DOCK3: variants seen among roughly 807,000 people sequenced by gnomAD.
The protein encoded by DOCK3 is dedicator of cytokinesis protein 3.
A neutral mutation model predicts 265.6 loss-of-function variants in DOCK3; 60 were observed. The ratio of observed to expected loss-of-function variants is 0.23; its 90% CI spans 0.18 to 0.28. DOCK3 has a LOEUF of 0.28. Ranked by LOEUF, DOCK3 falls within the 10% of genes least tolerant of loss-of-function variation. DOCK3 has a pLI of 1.00. For missense variants in DOCK3, 1,981 were observed against 2,594.3 expected (o/e 0.76, Z 5.14); for synonymous variants, 881 against 938.0 (o/e 0.94, Z 1.11).
intron 5 of DOCK3, among the ~76,000 whole-genome samples, chr3:51,002,175 C>A (rs2078506260): frequency 6.6e-6 from 1 of 152,102 alleles, no homozygotes; most frequent in Admixed American, 6.5e-5. Context: ...TTTCAAACTC[C>A]TGGCCTCAAG....
At chr3:51,203,277 T>C (rs1398239761) in intron 12 of DOCK3, among the ~76,000 whole-genome samples, 1 of 152,084 alleles carries the variant, frequency 6.6e-6, no homozygotes, top group Non-Finnish European at 1.5e-5. Context: ...CCCCATTGTC[T>C]CAGCCCAAAA....
chr3:50,770,987 T>C (rs954288698), intron 1 of DOCK3, among the ~76,000 whole-genome samples: 1 of 152,202 alleles, frequency 6.6e-6, no homozygotes, highest in African/African-American at 2.4e-5. Context: ...CCTCAAACTA[T>C]GAAGCTACTA....
rs368891644 is a variant in DOCK3 at position 51,208,881 on chromosome 3, T to G, written c.1126+19T>G. ...AGCCATGGTGAGATACTTCTCTGAC[T>G]AGAACATTTTGTGTTACATTTGTAG... On this transcript the variant is annotated intron_variant, in intron 13 of 52. Coordinates refer to ENST00000266037, the MANE Select transcript of DOCK3 (RefSeq NM_004947.5). 118 of 1,597,366 alleles carry G rather than the reference T, an allele frequency of 7.4e-5. No homozygotes were observed. In the African/African-American group the frequency reaches 1.1e-3, roughly 15 times the overall value.
chr3:51,112,552 A>G (rs2083565556), intron 9 of DOCK3, among the ~76,000 whole-genome samples: 1 of 152,204 alleles, frequency 6.6e-6, no homozygotes, highest in Admixed American at 6.5e-5. Flanking sequence ...TGTAAACTGT[A>G]CTTTGGTACA....
intron 5 of DOCK3, among the ~76,000 whole-genome samples, chr3:51,012,948 A>T (rs1008307305): frequency 1.3e-5 from 2 of 152,026 alleles, no homozygotes; most frequent in African/African-American, 4.8e-5. Context: ...TCAGCTACTG[A>T]AGCTTGTGTG....
chr3:50,782,576 AGTGTGTGTGTGTGT>A (rs145578993), intron 2 of DOCK3, among the ~76,000 whole-genome samples: 10 of 147,212 alleles, frequency 6.8e-5, no homozygotes, highest in Non-Finnish European at 1.2e-4. Context: ...TTATTTTTTG[AGTGTGTGTGTGTGT>A]GTGTGTGTGT....
chr3:51,175,002 C>A (rs1478743122), intron 12 of DOCK3, among the ~76,000 whole-genome samples: 1 of 152,172 alleles, frequency 6.6e-6, no homozygotes, highest in Admixed American at 6.5e-5. Context: ...AGTGGCAGGC[C>A]AGTTACAGAT....
At chr3:50,965,799 G>A (rs1393842181) in intron 5 of DOCK3, among the ~76,000 whole-genome samples, 3 of 151,874 alleles carry the variant, frequency 2.0e-5, no homozygotes, top group Non-Finnish European at 4.4e-5. Context: ...ACATTTTTTA[G>A]CTTAAAAATA....
intron 5 of DOCK3, among the ~76,000 whole-genome samples, chr3:51,034,601 T>C (rs1392128637): frequency 6.6e-6 from 1 of 152,108 alleles, no homozygotes; most frequent in African/African-American, 2.4e-5. Context: ...TAAGACAGTG[T>C]TATGGTTTTT....
chr3:50,780,865 T>A (rs2675827), intron 2 of DOCK3, among the ~76,000 whole-genome samples: 14,338 of 151,932 alleles, frequency 0.094, 834 homozygotes, highest in Non-Finnish European at 0.12. Context: ...TTCATTCAGG[T>A]TTTTTTTGTT....
At chr3:50,690,126 T>C (rs915507979) in intron 1 of DOCK3, among the ~76,000 whole-genome samples, 2 of 151,592 alleles carry the variant, frequency 1.3e-5, no homozygotes, top group East Asian at 1.9e-4. Context: ...TAAAATTTGC[T>C]ATTTTTACCT....
chr3:51,326,623 T>C (rs966651785), intron 32 of DOCK3, among the ~76,000 whole-genome samples: 3 of 149,404 alleles, frequency 2.0e-5, no homozygotes, highest in African/African-American at 7.5e-5. Flanking sequence ...GTTGTTGTTG[T>C]TGTTGTTGTT....
intron 1 of DOCK3, chr3:50,719,466 G>T: frequency 1.3e-6 from 1 of 746,746 alleles, no homozygotes; most frequent in Non-Finnish European, 2.2e-6. Flanking sequence ...TTAAGATAAA[G>T]CACAAGTCAA....
At chr3:50,997,222 A>G (rs1331552502) in intron 5 of DOCK3, among the ~76,000 whole-genome samples, 1 of 152,218 alleles carries the variant, frequency 6.6e-6, no homozygotes, top group Non-Finnish European at 1.5e-5. Flanking sequence ...ATGAATTTTC[A>G]TTATGCCAAA....
chr3:50,982,255 T>C (rs1452191175), intron 5 of DOCK3, among the ~76,000 whole-genome samples: 1 of 152,220 alleles, frequency 6.6e-6, no homozygotes, highest in Non-Finnish European at 1.5e-5. Flanking sequence ...GAATTTAATC[T>C]ACTTATGCTC....
chr3:50,821,914 C>A (rs185909345), intron 2 of DOCK3, among the ~76,000 whole-genome samples: 55 of 152,182 alleles, frequency 3.6e-4, no homozygotes, highest in Admixed American at 3.6e-3. Context: ...ATTACTGTAG[C>A]CTAATAGTAT....
At chr3:50,924,569 C>G (rs1263003913) in intron 4 of DOCK3, among the ~76,000 whole-genome samples, 1 of 152,170 alleles carries the variant, frequency 6.6e-6, no homozygotes, top group Non-Finnish European at 1.5e-5. Context: ...ATGAAGCAGC[C>G]AGGGAAAGTA....
chr3:51,116,258 T>A (rs2083733414), intron 9 of DOCK3, among the ~76,000 whole-genome samples: 1 of 152,014 alleles, frequency 6.6e-6, no homozygotes, highest in Admixed American at 6.6e-5. Flanking sequence ...AAGACCATCC[T>A]GGCTAACACA....
intron 38 of DOCK3, among the ~76,000 whole-genome samples, chr3:51,348,196 G>A (rs756831312): frequency 6.6e-6 from 1 of 152,156 alleles, no homozygotes; most frequent in Non-Finnish European, 1.5e-5. Context: ...TGTTGCATGG[G>A]CATGTTGCTG....
Sources: gnomAD v4.1 joint callset for allele counts (sites outside exome capture counted in the v4.1 genomes callset) on GRCh38, gnomAD v4.1.1 for gene constraint, MANE v1.5 for transcripts, NCBI Gene and HGNC (gene_info 2026-07-23, HGNC 2026-07-21) for gene names.